Variants in OR1J2 observed in about 807,000 individuals in gnomAD.
OR1J2 encodes olfactory receptor family 1 subfamily J member 2, also known as olfactory receptor 1J2.
For missense variants in OR1J2, 304 were observed against 246.1 expected (o/e 1.24, Z -1.57); for synonymous variants, 142 against 99.7 (o/e 1.42, Z -2.52).
the OR1J2 span, among the ~76,000 whole-genome samples, chr9:122,545,888 T>C: frequency 1.3e-5 from 2 of 150,190 alleles, no homozygotes; most frequent in Non-Finnish European, 1.5e-5. Flanking sequence ...TTGTGGTATA[T>C]TTATCAGTGG....
downstream of OR1J2, among the ~76,000 whole-genome samples, chr9:122,515,843 T>C (rs1282445673): frequency 6.6e-6 from 1 of 152,132 alleles, no homozygotes; most frequent in African/African-American, 2.4e-5. Flanking sequence ...ATCTGTAGTG[T>C]ATTCTTAAAC....
At chr9:122,483,484 A>T in the OR1J2 span, among the ~76,000 whole-genome samples, 1 of 152,254 alleles carries the variant, frequency 6.6e-6, no homozygotes, top group East Asian at 1.9e-4. Context: ...TAGGGTTAAC[A>T]TGCAAACTAT....
At chr9:122,574,498 T>C in the OR1J2 span, among the ~76,000 whole-genome samples, 1 of 152,282 alleles carries the variant, frequency 6.6e-6, no homozygotes, top group Non-Finnish European at 1.5e-5. Context: ...ACTTGTTTGT[T>C]GCTAATATTT....
the OR1J2 span, among the ~76,000 whole-genome samples, chr9:122,449,305 C>T: frequency 1.3e-5 from 2 of 152,182 alleles, no homozygotes; most frequent in East Asian, 3.8e-4. Context: ...TGCACCAGAT[C>T]TGGGGCTTGT....
At chr9:122,531,746 A>C in the OR1J2 span, among the ~76,000 whole-genome samples, 10,747 of 152,202 alleles carry the variant, frequency 0.071, 480 homozygotes, top group South Asian at 0.18. Context: ...AGCCTGAAAA[A>C]CTGCTTGGCT....
chr9:122,457,156 G>A, the OR1J2 span, among the ~76,000 whole-genome samples: 1 of 152,180 alleles, frequency 6.6e-6, no homozygotes, highest in Admixed American at 6.5e-5. Context: ...ACTTATAAGT[G>A]GGAGCTGAAC....
At chr9:122,523,762 T>C in the OR1J2 span, among the ~76,000 whole-genome samples, 1 of 152,082 alleles carries the variant, frequency 6.6e-6, no homozygotes, top group African/African-American at 2.4e-5. Context: ...CTTAAGGAAG[T>C]GAGGAAACAA....
At chr9:122,560,402 T>C in the OR1J2 span, among the ~76,000 whole-genome samples, 10 of 152,188 alleles carry the variant, frequency 6.6e-5, no homozygotes, top group Non-Finnish European at 1.0e-4. Flanking sequence ...GCACACTAAT[T>C]GATGCAATTT....
the OR1J2 span, among the ~76,000 whole-genome samples, chr9:122,533,995 GTC>G: frequency 6.6e-6 from 1 of 152,222 alleles, no homozygotes; most frequent in African/African-American, 2.4e-5. Context: ...GAGTTGAACA[GTC>G]TGATTTTCAG....
the OR1J2 span, chr9:122,527,010 C>T: frequency 6.2e-7 from 1 of 1,614,178 alleles, no homozygotes; most frequent in Non-Finnish European, 8.5e-7. Context: ...TTGCGTGAGG[C>T]AACCCGTATA....
At chr9:122,490,136 C>A in the OR1J2 span, among the ~76,000 whole-genome samples, 8 of 152,078 alleles carry the variant, frequency 5.3e-5, no homozygotes, top group Non-Finnish European at 8.8e-5. Flanking sequence ...TAATTTGTTG[C>A]TGAAGCAGGA....
At chr9:122,463,404 T>A in the OR1J2 span, among the ~76,000 whole-genome samples, 1 of 152,214 alleles carries the variant, frequency 6.6e-6, no homozygotes, top group African/African-American at 2.4e-5. Flanking sequence ...TAATAGCTGA[T>A]CTTCTGAATT....
the OR1J2 span, among the ~76,000 whole-genome samples, chr9:122,577,708 G>A: frequency 6.6e-6 from 1 of 152,126 alleles, no homozygotes; most frequent in South Asian, 2.1e-4. Flanking sequence ...CAATAACTCT[G>A]TAGAGAATTT....
At chr9:122,533,378 G>A in the OR1J2 span, among the ~76,000 whole-genome samples, 2 of 152,160 alleles carry the variant, frequency 1.3e-5, no homozygotes, top group South Asian at 4.1e-4. Context: ...TGTGAGATGG[G>A]ATATTGGCAT....
chr9:122,568,049 GAC>G, the OR1J2 span: 1 of 1,613,788 alleles, frequency 6.2e-7, no homozygotes, highest in Non-Finnish European at 8.5e-7. Context: ...CCACCAGCAG[GAC>G]ACAGTGGTGG....
the OR1J2 span, among the ~76,000 whole-genome samples, chr9:122,453,519 G>GCT: frequency 6.6e-6 from 1 of 152,136 alleles, no homozygotes; most frequent in Non-Finnish European, 1.5e-5. Context: ...ACTAATTCAA[G>GCT]TACACTACAT....
chr9:122,549,682 C>T, the OR1J2 span, among the ~76,000 whole-genome samples: 1 of 152,066 alleles, frequency 6.6e-6, no homozygotes, highest in Non-Finnish European at 1.5e-5. Flanking sequence ...AAGTATGTGG[C>T]TTTATTTCCA....
the OR1J2 span, among the ~76,000 whole-genome samples, chr9:122,568,926 T>C: frequency 0.58 from 88,361 of 151,902 alleles, 26,212 homozygotes; most frequent in East Asian, 0.97. Context: ...CAAAATAAAA[T>C]AGTATTAGAA....
chr9:122,503,620 A>G, the OR1J2 span, among the ~76,000 whole-genome samples: 1 of 152,216 alleles, frequency 6.6e-6, no homozygotes, highest in African/African-American at 2.4e-5. Context: ...AGGCATTGAC[A>G]TAAGATATAA....
Sources: gnomAD v4.1 joint callset for allele counts (sites outside exome capture counted in the v4.1 genomes callset) on GRCh38, gnomAD v4.1.1 for gene constraint, MANE v1.5 for transcripts, NCBI Gene and HGNC (gene_info 2026-07-23, HGNC 2026-07-21) for gene names.